Variants in TCF20 observed in about 807,000 individuals in gnomAD.
TCF20 encodes the protein transcription factor 20.
In TCF20, 3 loss-of-function variants were observed where a neutral mutation model predicts 148.6. That is an observed-to-expected ratio of 0.02 (90% CI 0.01 to 0.05). The LOEUF is 0.05. Among genes scored for constraint, TCF20 ranks in the 10% least tolerant of loss-of-function variants. The pLI, the probability that TCF20 is intolerant of heterozygous loss-of-function variation, is 1.00. For synonymous variants in TCF20, 1,049 were observed against 909.5 expected (o/e 1.15, Z -2.76); for missense variants, 2,350 against 2,429.3 (o/e 0.97, Z 0.69).
chr22:42,242,224 A>AAAAAAAAAAAAAC (rs1555942548), intron 1 of TCF20, among the ~76,000 whole-genome samples: 9 of 147,688 alleles, frequency 6.1e-5, no homozygotes, highest in African/African-American at 2.4e-4. Context: ...AAAAAAAAAA[A>AAAAAAAAAAAAAC]AAACAGAAAA....
chr22:42,225,992 A>G (rs1255623362), intron 1 of TCF20, among the ~76,000 whole-genome samples: 1 of 152,226 alleles, frequency 6.6e-6, no homozygotes, highest in Non-Finnish European at 1.5e-5. Flanking sequence ...CAAGCATCCT[A>G]TATCCACCAC....
chr22:42,315,664 A>T (rs962084009), intron 1 of TCF20, among the ~76,000 whole-genome samples: 11 of 152,088 alleles, frequency 7.2e-5, no homozygotes, highest in African/African-American at 2.4e-4. Context: ...AGGGGGCCAG[A>T]GAGGGGGGCA....
intron 2 of TCF20, among the ~76,000 whole-genome samples, chr22:42,191,345 A>C (rs1289536726): frequency 6.6e-6 from 1 of 152,188 alleles, no homozygotes; most frequent in African/African-American, 2.4e-5. Flanking sequence ...GCTGGAGTAC[A>C]GTGACGAGAT....
At chr22:42,271,366 T>C (rs1926614510), upstream of TCF20, among the ~76,000 whole-genome samples, 1 of 152,264 alleles carries the variant, frequency 6.6e-6, no homozygotes, top group Admixed American at 6.5e-5. Flanking sequence ...CCAGGCTGAC[T>C]GCGCCCAGGG....
At chr22:42,203,121 A>G (rs902832902) in intron 2 of TCF20, among the ~76,000 whole-genome samples, 2 of 151,710 alleles carry the variant, frequency 1.3e-5, no homozygotes, top group Non-Finnish European at 3.0e-5. Flanking sequence ...ATTTTTGTTT[A>G]TGGTCCTTTG....
Position 42,211,520 on chromosome 22 carries a change from A to T in TCF20, c.3786T>A (p.Ser1262=). The stretch of plus-strand genomic sequence containing the variant: ...GTGACTGTCTCTTACTGGGAATGGG[A>T]GAGATAAAAGAACGAACACGCCTCC... The part of the protein sequence containing the change: ...IMRRRVRSFI[S]PIPSKRQSQD... Residue 1262 remains serine (S), a synonymous_variant, in exon 2 of 6, where the codon TCT becomes TCA. Transcript: ENST00000677622. The T allele has an allele frequency of 6.2e-7, 1 of 1,614,106 alleles. No homozygotes were observed. The highest frequency in any genetic ancestry group is 8.5e-7 in the Non-Finnish European group (1 of 1,180,002).
At chr22:42,175,627 C>A (rs896826566) in intron 3 of TCF20, among the ~76,000 whole-genome samples, 13 of 152,096 alleles carry the variant, frequency 8.5e-5, no homozygotes, top group African/African-American at 3.1e-4. Context: ...GTGTGAGCCA[C>A]CGTGCCTGGC....
chr22:42,257,066 A>G (rs1363081149), intron 1 of TCF20, among the ~76,000 whole-genome samples: 1 of 152,198 alleles, frequency 6.6e-6, no homozygotes, highest in Non-Finnish European at 1.5e-5. Flanking sequence ...AGGCCGAGGA[A>G]GGAAGATCAT....
intron 5 of TCF20, among the ~76,000 whole-genome samples, chr22:42,165,296 G>A (rs1036742080): frequency 1.3e-5 from 2 of 152,238 alleles, no homozygotes; most frequent in Admixed American, 6.5e-5. Context: ...CTTGCTCAGC[G>A]TCCATCCATG....
Position 42,211,925 on chromosome 22 carries a change from C to G in TCF20, c.3381G>C (p.Gln1127His), listed in dbSNP as rs368592824. Residue 1127 changes from glutamine (Q) to histidine (H), a missense_variant, in exon 2 of 6, where the codon CAG (glutamine) becomes CAC (histidine). Transcript: ENST00000677622. Reference sequence around the variant, plus strand: ...GAGGGCTCCGTACTCTGTCAAGAAACTGCTGCTGCCTTGGACTCTTCCGTG... The same window carrying G: ...GAGGGCTCCGTACTCTGTCAAGAAAGTGCTGCTGCCTTGGACTCTTCCGTG... Reference protein sequence around the residue: ...EGPRKSPRQQQFLDRVRSPLK... With the variant: ...EGPRKSPRQQHFLDRVRSPLK... 3 of 1,614,210 alleles carry G rather than the reference C, an allele frequency of 1.9e-6. No individual in the cohort carries two copies. Among genetic ancestry groups the G allele is most frequent in the Non-Finnish European group, 2.5e-6 (3 of 1,180,042 alleles).
At chr22:42,324,106 G>A (rs1286049466) in intron 1 of TCF20, among the ~76,000 whole-genome samples, 4 of 136,526 alleles carry the variant, frequency 2.9e-5, no homozygotes, top group Admixed American at 1.4e-4. Flanking sequence ...GGTTATGGTG[G>A]TGGTGGTGGT....
At chr22:42,161,384 A>C in intron 5 of TCF20, 26 bp from the exon 6 acceptor site, 2 of 1,614,008 alleles carry the variant, frequency 1.2e-6, no homozygotes, top group South Asian at 2.2e-5. Context: ...CACACAGTGA[A>C]GGCCAGGAGC....
At chr22:42,335,792 A>G (rs1419221094) in intron 1 of TCF20, among the ~76,000 whole-genome samples, 1 of 152,030 alleles carries the variant, frequency 6.6e-6, no homozygotes, top group Non-Finnish European at 1.5e-5. Flanking sequence ...GGTGACAGGG[A>G]GCCCTTCAGG....
At chr22:42,270,744 C>T (rs1394873484), upstream of TCF20, among the ~76,000 whole-genome samples, 1 of 128,188 alleles carries the variant, frequency 7.8e-6, no homozygotes, top group Non-Finnish European at 1.7e-5. Flanking sequence ...GCGGGGCGCG[C>T]GGCGGGGGCG....
At chr22:42,250,531 T>C (rs1305468268) in intron 1 of TCF20, among the ~76,000 whole-genome samples, 1 of 150,576 alleles carries the variant, frequency 6.6e-6, no homozygotes, top group African/African-American at 2.4e-5. Context: ...AATTCAACAA[T>C]ATCTCTGCTC....
chr22:42,252,292 AAG>A (rs1490142635), intron 1 of TCF20, among the ~76,000 whole-genome samples: 4 of 151,794 alleles, frequency 2.6e-5, no homozygotes, highest in African/African-American at 9.7e-5. Flanking sequence ...CAAAAAAAAA[AAG>A]AAAAAAATAA....
rs1408459860 is a variant in TCF20, at chr22:42,317,902, G to C, written c.-37+25577C>G. ...CGAGCCCAGGCGGGGCACCCTCCTGGCTGCCTGCCGTGCATGCCTGTCCAT... is the reference window on the plus strand; with the variant it reads ...CGAGCCCAGGCGGGGCACCCTCCTGCCTGCCTGCCGTGCATGCCTGTCCAT... On this transcript the variant is annotated intron_variant, in intron 1 of 1. Coordinates refer to the TCF20 transcript ENST00000515426. This position sits in a 1 kb window ranked among gnomAD's most constrained non-coding sequence, Gnocchi z 4.2. Among the ~76,000 whole-genome samples the C allele has an allele frequency of 6.6e-6, 1 of 152,196 alleles. No homozygotes were observed. The highest frequency in any genetic ancestry group is 1.5e-5 in the Non-Finnish European group (1 of 68,012).
At chr22:42,335,868 A>G (rs1196824013) in intron 1 of TCF20, among the ~76,000 whole-genome samples, 1 of 152,152 alleles carries the variant, frequency 6.6e-6, no homozygotes, top group Non-Finnish European at 1.5e-5. Flanking sequence ...CCAAACCAGC[A>G]ACGAGCCTGG....
At chr22:42,332,067 G>A (rs1049848782) in intron 1 of TCF20, among the ~76,000 whole-genome samples, 1 of 152,228 alleles carries the variant, frequency 6.6e-6, no homozygotes, top group African/African-American at 2.4e-5. Context: ...GGGTCCAGCC[G>A]TGAACTCAGC....
Sources: allele counts gnomAD v4.1 joint callset (sites outside exome capture counted in the v4.1 genomes callset), GRCh38; gene constraint gnomAD v4.1.1; non-coding constraint Gnocchi (gnomAD v3.1); transcripts MANE v1.5; gene names NCBI Gene and HGNC (gene_info 2026-07-23, HGNC 2026-07-21).